ANO10: variants seen among roughly 807,000 people sequenced by gnomAD.
ANO10 encodes anoctamin 10, also known as anoctamin-10.
Under a neutral mutation model 74.7 loss-of-function variants are expected in ANO10, and 77 were observed. That is an observed-to-expected ratio of 1.03 (90% CI 0.86 to 1.25). The LOEUF is 1.25. ANO10 is among the 50% of genes most tolerant of loss of function. ANO10 has a pLI of 0.00. For missense variants in ANO10, 721 were observed against 778.1 expected (o/e 0.93, Z 0.87); for synonymous variants, 279 against 284.9 (o/e 0.98, Z 0.21).
At chr3:43,403,339 T>A (rs1192126530) in intron 12 of ANO10, among the ~76,000 whole-genome samples, 1 of 152,226 alleles carries the variant, frequency 6.6e-6, no homozygotes, top group East Asian at 1.9e-4. Context: ...TCCTCCACAC[T>A]GGAAGCTTTT....
intron 12 of ANO10, among the ~76,000 whole-genome samples, chr3:43,430,247 T>A (rs1484701411): frequency 6.6e-6 from 1 of 152,088 alleles, no homozygotes; most frequent in Non-Finnish European, 1.5e-5. Flanking sequence ...TTTGTCCAAT[T>A]TATCTTTTGA....
chr3:43,438,807 G>A (rs570218414), intron 11 of ANO10, among the ~76,000 whole-genome samples: 3 of 150,982 alleles, frequency 2.0e-5, no homozygotes, highest in South Asian at 4.2e-4. Flanking sequence ...CAGAAAAAAA[G>A]AATCAGTGAA....
chr3:43,654,510 C>G (rs4426658), intron 1 of ANO10, among the ~76,000 whole-genome samples: 1 of 152,158 alleles, frequency 6.6e-6, no homozygotes, highest in African/African-American at 2.4e-5. Flanking sequence ...ATTAAGGTCT[C>G]CAACAAACTA....
chr3:43,438,019 T>TCA (rs2148956807), intron 11 of ANO10, among the ~76,000 whole-genome samples: 1 of 152,046 alleles, frequency 6.6e-6, no homozygotes, highest in East Asian at 1.9e-4. Context: ...CTATAAGAGG[T>TCA]CACAGGCAAC....
At chr3:43,607,582 A>C (rs1299416052) in intron 1 of ANO10, among the ~76,000 whole-genome samples, 1 of 152,170 alleles carries the variant, frequency 6.6e-6, no homozygotes, top group Non-Finnish European at 1.5e-5. Context: ...CTACATTCTA[A>C]ACATAATAGT....
intron 11 of ANO10, among the ~76,000 whole-genome samples, chr3:43,489,312 AAGTATAAT>A (rs1244792379): frequency 6.6e-6 from 1 of 152,056 alleles, no homozygotes; most frequent in Non-Finnish European, 1.5e-5. Flanking sequence ...CTAAAACTTA[AAGTATAAT>A]AGTATAATAA....
At chr3:43,393,732 T>A (rs142176868) in intron 12 of ANO10, among the ~76,000 whole-genome samples, 32 of 152,282 alleles carry the variant, frequency 2.1e-4, no homozygotes, top group African/African-American at 6.3e-4. Flanking sequence ...TTTGTAACTC[T>A]GGGATGTTAC....
chr3:43,408,308 C>A (rs1272479689), intron 12 of ANO10, among the ~76,000 whole-genome samples: 1 of 152,128 alleles, frequency 6.6e-6, no homozygotes, highest in East Asian at 1.9e-4. Context: ...CTTTTAAAAG[C>A]AGATTAAAAT....
chr3:43,519,516 T>G (rs2077858392), intron 11 of ANO10, among the ~76,000 whole-genome samples: 1 of 152,226 alleles, frequency 6.6e-6, no homozygotes, highest in Admixed American at 6.5e-5. Context: ...TCCAACTTTC[T>G]GATGTCCATT....
At chr3:43,470,596 T>TTTTTTTTATTTATTTATTTA (rs1237061155) in intron 11 of ANO10, among the ~76,000 whole-genome samples, 1 of 143,908 alleles carries the variant, frequency 6.9e-6, no homozygotes, top group African/African-American at 2.5e-5. Context: ...CTGGTAATTA[T>TTTTTTTTATTTATTTATTTA]TTTATTTATT....
intron 6 of ANO10, 86 bp downstream of exon 6, chr3:43,576,606 G>T: frequency 7.1e-7 from 1 of 1,407,576 alleles, no homozygotes; most frequent in Non-Finnish European, 1.0e-6. Flanking sequence ...TATTTTCTCT[G>T]CAAGGTAGCA....
chr3:43,637,755 T>A (rs2083629650), intron 1 of ANO10: 1 of 152,064 alleles, frequency 6.6e-6, no homozygotes, highest in African/African-American at 2.4e-5. Context: ...TCCAGGAACC[T>A]CTCTCAAATC....
At chr3:43,511,594 C>A in intron 11 of ANO10, among the ~76,000 whole-genome samples, 1 of 152,280 alleles carries the variant, frequency 6.6e-6, no homozygotes, top group African/African-American at 2.4e-5. Context: ...GTCTGTTAGT[C>A]ATTGCCCTTC....
At chr3:43,423,072 G>T (rs144342440) in intron 12 of ANO10, among the ~76,000 whole-genome samples, 119 of 151,846 alleles carry the variant, frequency 7.8e-4, no homozygotes, top group African/African-American at 2.8e-3. Flanking sequence ...ACAATCTTGG[G>T]GAGCTACTCT....
At chr3:43,547,931 C>T (rs1367083225) in intron 11 of ANO10, among the ~76,000 whole-genome samples, 2 of 152,098 alleles carry the variant, frequency 1.3e-5, no homozygotes, top group Admixed American at 1.3e-4. Flanking sequence ...CAGAAGCTAG[C>T]GATGGACACC....
At chr3:43,625,418 A>T (rs1171170673), upstream of ANO10, among the ~76,000 whole-genome samples, 1 of 152,162 alleles carries the variant, frequency 6.6e-6, no homozygotes, top group African/African-American at 2.4e-5. Context: ...TGCCATCATG[A>T]TCCACCTGCT....
At chr3:43,441,277 C>T (rs1256707937) in intron 11 of ANO10, among the ~76,000 whole-genome samples, 1 of 149,258 alleles carries the variant, frequency 6.7e-6, no homozygotes, top group Non-Finnish European at 1.5e-5. Flanking sequence ...ACAAAATTAA[C>T]AAATCCTTAG....
chr3:43,478,590 T>C (rs1355111489), intron 11 of ANO10, among the ~76,000 whole-genome samples: 1 of 152,194 alleles, frequency 6.6e-6, no homozygotes, highest in Non-Finnish European at 1.5e-5. Context: ...TCTACTCTGA[T>C]GGTTTATGCT....
intron 11 of ANO10, among the ~76,000 whole-genome samples, chr3:43,445,069 G>A (rs2148977631): frequency 6.8e-6 from 1 of 147,350 alleles, no homozygotes; most frequent in East Asian, 2.0e-4. Context: ...CTTGCAGTGA[G>A]CTGAGATTGC....
Sources: allele counts gnomAD v4.1 joint callset (sites outside exome capture counted in the v4.1 genomes callset), GRCh38; gene constraint gnomAD v4.1.1; transcripts MANE v1.5; gene names NCBI Gene and HGNC (gene_info 2026-07-23, HGNC 2026-07-21).